Variants in MIPOL1 observed in about 807,000 individuals in gnomAD.
The protein encoded by MIPOL1 is mirror-image polydactyly gene 1 protein.
MIPOL1 carries 57 observed loss-of-function variants against 60.9 expected under a neutral mutation model. The ratio of observed to expected loss-of-function variants is 0.94; its 90% CI spans 0.76 to 1.17. MIPOL1 has a LOEUF of 1.17. Ranked by LOEUF, MIPOL1 falls within the 50% of genes most tolerant of loss-of-function variation. MIPOL1 has a pLI of 0.00. For synonymous variants in MIPOL1, 179 were observed against 168.8 expected (o/e 1.06, Z -0.47); for missense variants, 551 against 511.6 (o/e 1.08, Z -0.74).
rs576965382 is a variant in MIPOL1, at chr14:37,270,330, T to C, written c.388-90T>C. 51 of 590,158 alleles carry C rather than the reference T, an allele frequency of 8.6e-5. No individual in the cohort carries two copies. The Middle Eastern group carries it at 2.0e-3, about 23-fold the overall frequency. The allele number at this position is 590,158 out of a possible 1,614,324, so 36.6% of individuals were successfully genotyped here. A position where few individuals can be genotyped will look rare whatever the true frequency, so the allele number is the denominator to read the frequency against. ...TAGGAAGTTAAATATAATATAAGAA[T>C]TAAGAAAAAACCAAAAACTTTGAAA... On this transcript the variant is annotated intron_variant, in intron 5 of 12. Coordinates refer to ENST00000684589, the MANE Select transcript of MIPOL1 (RefSeq NM_001388067.1).
intron 9 of MIPOL1, among the ~76,000 whole-genome samples, chr14:37,340,512 C>A (rs1231404825): frequency 6.6e-6 from 1 of 151,942 alleles, no homozygotes; most frequent in Non-Finnish European, 1.5e-5. Flanking sequence ...GAGTTCAAGA[C>A]CAGCCTGGGC....
chr14:37,298,667 C>G (rs961650650), intron 7 of MIPOL1, among the ~76,000 whole-genome samples: 4 of 152,144 alleles, frequency 2.6e-5, no homozygotes, highest in Admixed American at 1.3e-4. Flanking sequence ...CAAAAGAAGA[C>G]ATTTATGCAG....
chr14:37,255,272 A>T (rs552682797), intron 3 of MIPOL1, among the ~76,000 whole-genome samples: 38 of 151,752 alleles, frequency 2.5e-4, no homozygotes, highest in Non-Finnish European at 5.0e-4. Flanking sequence ...CTGAGTGTGC[A>T]TTGGCATTTT....
chr14:37,500,199 T>C, intron 12 of MIPOL1, 61 bp downstream of exon 12: 1 of 1,112,346 alleles, frequency 9.0e-7, no homozygotes, highest in South Asian at 1.5e-5. Context: ...AACACTTTCT[T>C]TTGGGAACTA....
At chr14:37,447,874 A>G (rs1421259556) in intron 11 of MIPOL1, among the ~76,000 whole-genome samples, 2 of 152,126 alleles carry the variant, frequency 1.3e-5, no homozygotes, top group East Asian at 3.8e-4. Context: ...ATTGGTACCT[A>G]TCTTTTTAAT....
At chr14:37,218,831 G>T (rs1473544436) in intron 1 of MIPOL1, among the ~76,000 whole-genome samples, 2 of 151,484 alleles carry the variant, frequency 1.3e-5, no homozygotes, top group Non-Finnish European at 2.9e-5. Flanking sequence ...AGGCTGAGGT[G>T]GGAGTATTGG....
At chr14:37,244,638 A>G (rs1047596576) in intron 1 of MIPOL1, among the ~76,000 whole-genome samples, 10 of 152,062 alleles carry the variant, frequency 6.6e-5, no homozygotes, top group African/African-American at 2.4e-4. Flanking sequence ...AACCTGGTGT[A>G]GATTAGTAAT....
chr14:37,353,382 C>G (rs1198295346), intron 9 of MIPOL1, among the ~76,000 whole-genome samples: 1 of 133,770 alleles, frequency 7.5e-6, no homozygotes, highest in Admixed American at 7.8e-5. Context: ...TTTGTTGTGT[C>G]TCTGCCTGGC....
chr14:37,509,805 A>G (rs2095312220), intron 12 of MIPOL1, among the ~76,000 whole-genome samples: 1 of 151,450 alleles, frequency 6.6e-6, no homozygotes, highest in Non-Finnish European at 1.5e-5. Context: ...CTATCTACTT[A>G]TGTATAAGCT....
intron 1 of MIPOL1, among the ~76,000 whole-genome samples, chr14:37,199,208 A>G (rs1482618170): frequency 5.3e-5 from 8 of 152,252 alleles, no homozygotes; most frequent in African/African-American, 1.4e-4. Context: ...ATACCCATGT[A>G]TCCAGTATCT....
intron 9 of MIPOL1, among the ~76,000 whole-genome samples, chr14:37,366,207 T>C (rs551772782): frequency 6.6e-6 from 1 of 152,158 alleles, no homozygotes; most frequent in East Asian, 1.9e-4. Context: ...TTGGGTTTGG[T>C]TTGCTCTTTC....
chr14:37,332,788 T>C (rs899361109), intron 9 of MIPOL1, among the ~76,000 whole-genome samples: 2 of 152,164 alleles, frequency 1.3e-5, no homozygotes, highest in Admixed American at 1.3e-4. Context: ...TTGGAGTACT[T>C]CCAACATCAC....
intron 1 of MIPOL1, among the ~76,000 whole-genome samples, chr14:37,213,301 A>G (rs1594487066): frequency 6.6e-6 from 1 of 152,196 alleles, no homozygotes; most frequent in South Asian, 2.1e-4. Context: ...TGTTGAGGCC[A>G]CTCAAAGAAA....
intron 1 of MIPOL1, among the ~76,000 whole-genome samples, chr14:37,210,338 G>C (rs954333418): frequency 6.6e-6 from 1 of 151,842 alleles, no homozygotes; most frequent in African/African-American, 2.4e-5. Flanking sequence ...TCACAAGTTA[G>C]CGTTCCCATT....
intron 11 of MIPOL1, among the ~76,000 whole-genome samples, chr14:37,456,900 A>G (rs1034867094): frequency 2.6e-5 from 4 of 152,110 alleles, no homozygotes; most frequent in African/African-American, 7.2e-5. Context: ...TCTACAGACA[A>G]CCTTCAAGGA....
chr14:37,368,483 A>C (rs2092546271), intron 9 of MIPOL1, among the ~76,000 whole-genome samples: 1 of 152,116 alleles, frequency 6.6e-6, no homozygotes, highest in Non-Finnish European at 1.5e-5. Flanking sequence ...ATAATAAGTA[A>C]TGATTTTTTA....
rs77393584 is a variant in MIPOL1 at position 37,457,075 on chromosome 14, A to C, written c.1031+34126A>C. On this transcript the variant is annotated intron_variant, in intron 11 of 12. Coordinates refer to ENST00000684589, the MANE Select transcript of MIPOL1 (RefSeq NM_001388067.1). The stretch of plus-strand genomic sequence containing the variant: ...TATACATAATGTAAAAAGACTCGTC[A>C]TGAAAAGATAAAATTTGAAATAAAG... 5.7e-4 allele frequency among the ~76,000 whole-genome samples: 87 copies of C among 152,314 alleles called. No homozygotes were observed. In the East Asian group the frequency reaches 0.017, roughly 29 times the overall value.
chr14:37,402,196 C>T (rs533367358), intron 10 of MIPOL1, among the ~76,000 whole-genome samples: 2 of 152,030 alleles, frequency 1.3e-5, no homozygotes, highest in African/African-American at 4.8e-5. Flanking sequence ...ACTTTCAGAA[C>T]AGTTATTGAA....
chr14:37,366,264 T>G (rs547539335), intron 9 of MIPOL1, among the ~76,000 whole-genome samples: 1 of 152,160 alleles, frequency 6.6e-6, no homozygotes, highest in East Asian at 1.9e-4. Flanking sequence ...GTTTGAGTTT[T>G]TCTTCTTTTT....
Sources: allele counts gnomAD v4.1 joint callset (sites outside exome capture counted in the v4.1 genomes callset), GRCh38; gene constraint gnomAD v4.1.1; transcripts MANE v1.5; gene names NCBI Gene and HGNC (gene_info 2026-07-23, HGNC 2026-07-21).